Variants in HIVEP3 observed in about 807,000 individuals in gnomAD.
The protein encoded by HIVEP3 is HIVEP zinc finger 3, also known as transcription factor HIVEP3.
In HIVEP3, 49 loss-of-function variants were observed where a neutral mutation model predicts 152.8. The ratio of observed to expected loss-of-function variants is 0.32; its 90% CI spans 0.26 to 0.41. HIVEP3 has a LOEUF of 0.41. Ranked by LOEUF, HIVEP3 falls within the 10% of genes least tolerant of loss-of-function variation. The pLI is 1.00. For synonymous variants in HIVEP3, 1,269 were observed against 1,289.0 expected, an observed-to-expected ratio of 0.98 and a Z score of 0.33; for missense variants, 2,790 against 3,103.3, an observed-to-expected ratio of 0.90 and a Z score of 2.40.
chr1:41,659,252 C>T lies in HIVEP3; in HGVS notation c.-720-30305G>A, dbSNP rs532401882. 2.0e-5 allele frequency among the ~76,000 whole-genome samples: 3 copies of T among 152,342 alleles called. No homozygotes were observed. In the South Asian group the frequency reaches 6.2e-4, roughly 32 times the overall value. ...GCTGTCACTTCTTTATTACTCAGAT[C>T]TCAAGATAAATGTCAGCTCCTCAGA... On this transcript the variant is annotated intron_variant, in intron 2 of 8. Coordinates refer to ENST00000372583, the MANE Select transcript of HIVEP3 (RefSeq NM_024503.5).
chr1:41,945,892 G>C (rs1043668434), intron 1 of HIVEP3, among the ~76,000 whole-genome samples: 2 of 152,150 alleles, frequency 1.3e-5, no homozygotes, highest in African/African-American at 4.8e-5. Flanking sequence ...TTATCACTCA[G>C]TCAGCTGCAG....
intron 5 of HIVEP3, among the ~76,000 whole-genome samples, chr1:41,526,346 CCACACT>C (rs1642908246): frequency 6.9e-6 from 1 of 144,292 alleles, no homozygotes; most frequent in Non-Finnish European, 1.5e-5. Context: ...TGCTCACACC[CCACACT>C]CACCCTCACA....
At chr1:41,546,026 C>T (rs1414344597) in intron 5 of HIVEP3, among the ~76,000 whole-genome samples, 1 of 152,232 alleles carries the variant, frequency 6.6e-6, no homozygotes, top group African/African-American at 2.4e-5. Context: ...TGAATCCCAG[C>T]TCTGCTCCTT....
intron 1 of HIVEP3, among the ~76,000 whole-genome samples, chr1:41,954,370 A>C (rs890173089): frequency 6.6e-6 from 1 of 152,214 alleles, no homozygotes; most frequent in Admixed American, 6.5e-5. Flanking sequence ...CTGATTAGGG[A>C]GGCCACATAC....
chr1:41,764,663 T>G (rs184497494), intron 1 of HIVEP3, among the ~76,000 whole-genome samples: 1 of 152,342 alleles, frequency 6.6e-6, no homozygotes, highest in East Asian at 1.9e-4. Flanking sequence ...TATCTTCATT[T>G]GACAAACATT....
intron 1 of HIVEP3, among the ~76,000 whole-genome samples, chr1:41,749,611 T>C (rs1290700880): frequency 6.6e-6 from 1 of 152,202 alleles, no homozygotes; most frequent in Non-Finnish European, 1.5e-5. Context: ...CCGTGTGCTC[T>C]CTGGCGCGAA....
chr1:41,580,565 T>A lies in HIVEP3; in HGVS notation c.4233A>T (p.Ser1411=), dbSNP rs1644386882. Residue 1411 remains serine (S), a synonymous_variant, in exon 4 of 9, where the codon TCA becomes TCT. Coordinates refer to ENST00000372583, the MANE Select transcript of HIVEP3 (RefSeq NM_024503.5). ...CCTCCAGGCTCAAGATACTCTCTGA[T>A]GACAGGGAAGTGCCTTTTCTTTCAG... ...TLPERKGTSL[S]SESILSLEGS... The A allele has an allele frequency of 6.2e-7, 1 of 1,614,096 alleles. No individual in the cohort carries two copies. The highest frequency in any genetic ancestry group is 8.5e-7 in the Non-Finnish European group (1 of 1,180,046).
intron 2 of HIVEP3, among the ~76,000 whole-genome samples, chr1:41,642,280 T>G (rs969781588): frequency 9.2e-5 from 14 of 152,256 alleles, no homozygotes. Context: ...GAGTAATGTC[T>G]GCACTTTACA....
At chr1:41,606,139 C>T (rs377075418) in intron 3 of HIVEP3, among the ~76,000 whole-genome samples, 1 of 150,402 alleles carries the variant, frequency 6.6e-6, no homozygotes, top group Non-Finnish European at 1.5e-5. Flanking sequence ...CAGAGTTTTT[C>T]GCATTCAACC....
At chr1:42,035,412 A>G (rs1267047767) in intron 1 of HIVEP3, among the ~76,000 whole-genome samples, 1 of 152,246 alleles carries the variant, frequency 6.6e-6, no homozygotes, top group Non-Finnish European at 1.5e-5. Flanking sequence ...TCAGACGTCA[A>G]CAAACCCCTG....
chr1:41,556,472 G>A (rs1303612699), intron 5 of HIVEP3, among the ~76,000 whole-genome samples: 1 of 152,130 alleles, frequency 6.6e-6, no homozygotes, highest in African/African-American at 2.4e-5. Context: ...TTAAAATTGG[G>A]TTTTTGGATT....
intron 1 of HIVEP3, among the ~76,000 whole-genome samples, chr1:41,827,443 G>T (rs1642836724): frequency 6.7e-6 from 1 of 149,540 alleles, no homozygotes; most frequent in Admixed American, 6.6e-5. Flanking sequence ...CCTAGTTCTA[G>T]ATTAGTTGGA....
intron 5 of HIVEP3, among the ~76,000 whole-genome samples, chr1:41,540,768 C>T (rs1643510571): frequency 6.6e-6 from 1 of 152,116 alleles, no homozygotes; most frequent in African/African-American, 2.4e-5. Flanking sequence ...GTTTTCTGAC[C>T]CCAGGGCTAC....
intron 1 of HIVEP3, among the ~76,000 whole-genome samples, chr1:41,724,186 C>T (rs566814791): frequency 2.6e-5 from 4 of 152,146 alleles, no homozygotes; most frequent in South Asian, 2.1e-4. Flanking sequence ...TGTCACCTTC[C>T]GAAGCCACTC....
chr1:41,812,667 C>G (rs966324851), intron 1 of HIVEP3, among the ~76,000 whole-genome samples: 3 of 151,326 alleles, frequency 2.0e-5, no homozygotes, highest in Non-Finnish European at 4.4e-5. Context: ...TAGCAAATAC[C>G]AAGGCTGGTA....
rs1186211180 is a variant in HIVEP3, at chr1:41,695,128, G to T, written c.-721+5788C>A. 5.9e-5 allele frequency among the ~76,000 whole-genome samples: 9 copies of T among 152,232 alleles called. No homozygotes were observed. In the East Asian group the frequency reaches 1.7e-3, roughly 29 times the overall value. ...AAAGAGCTTGGGTCAAAGAGCTACT[G>T]TCAGGCAGGGGGCACATCACACAGG... On this transcript the variant is annotated intron_variant, in intron 2 of 8. Coordinates refer to ENST00000372583, the MANE Select transcript of HIVEP3 (RefSeq NM_024503.5).
At chr1:41,970,680 C>A (rs1418749909) in intron 1 of HIVEP3, among the ~76,000 whole-genome samples, 6 of 152,108 alleles carry the variant, frequency 3.9e-5, no homozygotes, top group Non-Finnish European at 1.5e-5. Context: ...TGGCACAGTA[C>A]CCCGCAATTT....
At chr1:41,591,649 G>A (rs1644589648) in intron 3 of HIVEP3, among the ~76,000 whole-genome samples, 1 of 152,000 alleles carries the variant, frequency 6.6e-6, no homozygotes, top group East Asian at 1.9e-4. Flanking sequence ...CTGAGATTGA[G>A]ACTTTGCAGC....
intron 3 of HIVEP3, among the ~76,000 whole-genome samples, chr1:41,596,469 C>T (rs1240088525): frequency 6.6e-6 from 1 of 152,196 alleles, no homozygotes; most frequent in Non-Finnish European, 1.5e-5. Context: ...GGATGTCTGC[C>T]TTGAGCCAGG....
Sources: gnomAD v4.1 joint callset for allele counts (sites outside exome capture counted in the v4.1 genomes callset) on GRCh38, gnomAD v4.1.1 for gene constraint, MANE v1.5 for transcripts, NCBI Gene and HGNC (gene_info 2026-07-23, HGNC 2026-07-21) for gene names.